The following QTGAL variants were observed in gnomAD, a reference collection of about 807,000 sequenced individuals.
QTGAL encodes the protein queuosine-tRNA galactosyltransferase.
chr17:83,021,746 C>G, the QTGAL span, among the ~76,000 whole-genome samples: 1 of 152,110 alleles, frequency 6.6e-6, no homozygotes, highest in African/African-American at 2.4e-5. Context: ...ACTTACAATC[C>G]CAGATTTTGA....
At chr17:83,034,898 A>T in the QTGAL span, 2 of 699,170 alleles carry the variant, frequency 2.9e-6, no homozygotes, top group Admixed American at 5.6e-5. Flanking sequence ...CAGCAGCATG[A>T]AAACGGACTA....
the QTGAL span, among the ~76,000 whole-genome samples, chr17:82,951,845 A>G: frequency 3.9e-5 from 6 of 152,160 alleles, no homozygotes; most frequent in African/African-American, 1.2e-4. Flanking sequence ...CTGTCAGAAC[A>G]TTCGCATTTT....
chr17:82,971,398 C>A, the QTGAL span, among the ~76,000 whole-genome samples: 2 of 152,170 alleles, frequency 1.3e-5, no homozygotes, highest in Non-Finnish European at 2.9e-5. Flanking sequence ...AACTGCCAGG[C>A]GCCCGGCGAG....
At chr17:83,006,784 G>A in the QTGAL span, 24 of 985,334 alleles carry the variant, frequency 2.4e-5, no homozygotes, top group Middle Eastern at 1.0e-3. The surrounding 1 kb of genome is among the most constrained non-coding windows in gnomAD (Gnocchi z 5.8). Flanking sequence ...CTGTGCTGGC[G>A]ATCCCGAACA....
chr17:82,993,441 T>C, the QTGAL span, among the ~76,000 whole-genome samples: 2 of 152,228 alleles, frequency 1.3e-5, no homozygotes, highest in African/African-American at 4.8e-5. Context: ...TAAATATATA[T>C]GCACCCAATA....
chr17:82,959,236 GTGTGTACACGCA>G, the QTGAL span, among the ~76,000 whole-genome samples: 1 of 151,106 alleles, frequency 6.6e-6, no homozygotes, highest in Admixed American at 6.6e-5. Flanking sequence ...CTGTGTGGAT[GTGTGTACACGCA>G]TGTGTACACG....
the QTGAL span, among the ~76,000 whole-genome samples, chr17:82,994,267 AAAAG>A: frequency 1.3e-3 from 204 of 152,264 alleles, 1 homozygote; most frequent in African/African-American, 4.6e-3. Context: ...GACTAACAAA[AAAAG>A]AGAGAACACC....
chr17:82,966,981 G>C, the QTGAL span, among the ~76,000 whole-genome samples: 4 of 152,336 alleles, frequency 2.6e-5, no homozygotes, highest in African/African-American at 7.2e-5. Flanking sequence ...TTAATAAGAA[G>C]ACAGGCAATG....
the QTGAL span, among the ~76,000 whole-genome samples, chr17:83,018,930 C>T: frequency 6.6e-6 from 1 of 152,190 alleles, no homozygotes; most frequent in Non-Finnish European, 1.5e-5. Context: ...AATCGAGGGG[C>T]GGACATGGGA....
At chr17:82,973,099 C>A in the QTGAL span, among the ~76,000 whole-genome samples, 1 of 152,204 alleles carries the variant, frequency 6.6e-6, no homozygotes, top group Non-Finnish European at 1.5e-5. Context: ...AGCCTTGGGG[C>A]CACCGCCCAC....
chr17:82,944,999 T>TTTGA, the QTGAL span: 1 of 152,286 alleles, frequency 6.6e-6, no homozygotes, highest in South Asian at 2.1e-4. Context: ...AAGTGGAAAA[T>TTTGA]TTGATTGACT....
the QTGAL span, among the ~76,000 whole-genome samples, chr17:83,008,434 GAGTC>G: frequency 3.9e-5 from 6 of 152,164 alleles, no homozygotes; most frequent in Admixed American, 2.6e-4. Context: ...CCGAAAAAAA[GAGTC>G]AGAACGTTGA....
At chr17:83,038,956 A>C in the QTGAL span, among the ~76,000 whole-genome samples, 1 of 111,242 alleles carries the variant, frequency 9.0e-6, no homozygotes, top group Non-Finnish European at 2.1e-5. Context: ...ATGTTCTACA[A>C]TAATCAATTT....
At chr17:82,961,428 AATTCC>A in the QTGAL span, 1 of 542,096 alleles carries the variant, frequency 1.8e-6, no homozygotes, top group Non-Finnish European at 3.3e-6. Context: ...TTCTGCCCCA[AATTCC>A]ATTTTGAGCA....
At chr17:82,981,960 G>A in the QTGAL span, among the ~76,000 whole-genome samples, 57 of 152,384 alleles carry the variant, frequency 3.7e-4, no homozygotes, top group African/African-American at 1.3e-3. Flanking sequence ...TTAAATGGAA[G>A]TGGATCATCA....
At chr17:82,951,381 T>C in the QTGAL span, among the ~76,000 whole-genome samples, 1 of 152,228 alleles carries the variant, frequency 6.6e-6, no homozygotes, top group Non-Finnish European at 1.5e-5. Flanking sequence ...TTCAAACTTA[T>C]GTTCACAGCT....
the QTGAL span, chr17:82,948,857 T>G: frequency 6.6e-6 from 1 of 152,194 alleles, no homozygotes; most frequent in Non-Finnish European, 1.5e-5. Context: ...AGAAGCAAAA[T>G]GGGACAATGT....
At chr17:82,984,067 C>T in the QTGAL span, among the ~76,000 whole-genome samples, 57 of 123,636 alleles carry the variant, frequency 4.6e-4, no homozygotes, top group African/African-American at 1.5e-3. Context: ...CATATGATCA[C>T]GCAGGGGAGA....
chr17:83,047,500 T>C, the QTGAL span, among the ~76,000 whole-genome samples: 2 of 132,478 alleles, frequency 1.5e-5, no homozygotes, highest in Non-Finnish European at 3.4e-5. Flanking sequence ...TACCAAAGAA[T>C]AAGAAACTTA....
Sources: allele counts gnomAD v4.1 joint callset (sites outside exome capture counted in the v4.1 genomes callset), GRCh38; gene constraint gnomAD v4.1.1; non-coding constraint Gnocchi (gnomAD v3.1); transcripts MANE v1.5; gene names NCBI Gene and HGNC (gene_info 2026-07-23, HGNC 2026-07-21).